CSMD3: variants seen among roughly 807,000 people sequenced by gnomAD.
The protein encoded by CSMD3 is CUB and Sushi multiple domains 3.
In CSMD3, 177 loss-of-function variants were observed where a neutral mutation model predicts 435.2. The ratio of observed to expected loss-of-function variants is 0.41; its 90% CI spans 0.36 to 0.46. The LOEUF is 0.46. Among genes scored for constraint, CSMD3 ranks in the 20% least tolerant of loss-of-function variants. The probability of loss-of-function intolerance (pLI) is 0.34; values close to 1 mark genes in which losing one functional copy is unlikely to be tolerated. For synonymous variants in CSMD3, 1,656 were observed against 1,520.5 expected, an observed-to-expected ratio of 1.09 and a Z score of -2.07; for missense variants, 4,265 against 4,504.6, an observed-to-expected ratio of 0.95 and a Z score of 1.52.
intron 5 of CSMD3, among the ~76,000 whole-genome samples, chr8:113,040,304 C>A (rs1357879170): frequency 6.6e-6 from 1 of 152,164 alleles, no homozygotes; most frequent in Non-Finnish European, 1.5e-5. Flanking sequence ...TATGACCTTG[C>A]AGGGTTATTG....
chr8:113,070,197 A>C (rs953394539), intron 5 of CSMD3, among the ~76,000 whole-genome samples: 1 of 152,046 alleles, frequency 6.6e-6, no homozygotes, highest in African/African-American at 2.4e-5. Context: ...GCTTTTTAAA[A>C]ATTTATCTCC....
chr8:112,809,165 A>C (rs1456800941), intron 12 of CSMD3, among the ~76,000 whole-genome samples: 1 of 152,192 alleles, frequency 6.6e-6, no homozygotes, highest in Non-Finnish European at 1.5e-5. Flanking sequence ...AATCATGTTC[A>C]TACTTCAAGG....
chr8:112,970,395 C>CAAAAAAAAAAAAAAA (rs11284034), intron 7 of CSMD3, among the ~76,000 whole-genome samples: 1 of 82,194 alleles, frequency 1.2e-5, no homozygotes, highest in Non-Finnish European at 2.4e-5. Flanking sequence ...GACTCCCTCT[C>CAAAAAAAAAAAAAAA]AAAAAAAAAA....
intron 49 of CSMD3, among the ~76,000 whole-genome samples, chr8:112,312,818 A>T (rs1822112009): frequency 6.6e-6 from 1 of 152,216 alleles, no homozygotes; most frequent in African/African-American, 2.4e-5. Flanking sequence ...GTAAAATTCA[A>T]GAGTATACTT....
At chr8:113,300,095 A>C (rs1020766761) in intron 2 of CSMD3, among the ~76,000 whole-genome samples, 11 of 150,704 alleles carry the variant, frequency 7.3e-5, no homozygotes, top group African/African-American at 2.4e-4. Context: ...CGGAGGCTGC[A>C]GTAAGCCAAT....
intron 5 of CSMD3, among the ~76,000 whole-genome samples, chr8:113,046,235 G>GA (rs1193494579): frequency 6.7e-6 from 1 of 148,854 alleles, no homozygotes; most frequent in African/African-American, 2.4e-5. Flanking sequence ...GTGTGTGAGG[G>GA]AAAGGCCCCT....
intron 7 of CSMD3, among the ~76,000 whole-genome samples, chr8:112,971,718 G>A (rs2084665726): frequency 6.6e-6 from 1 of 152,086 alleles, no homozygotes; most frequent in African/African-American, 2.4e-5. Flanking sequence ...GAGGTGTGGT[G>A]TTAATATGCA....
chr8:112,341,268 T>G (rs1825081180), intron 42 of CSMD3, among the ~76,000 whole-genome samples: 1 of 152,050 alleles, frequency 6.6e-6, no homozygotes, highest in Non-Finnish European at 1.5e-5. Flanking sequence ...GTTAGGATTT[T>G]CTAAGGTCTC....
At chr8:112,924,610 A>G (rs1404563224) in intron 9 of CSMD3, among the ~76,000 whole-genome samples, 8 of 151,346 alleles carry the variant, frequency 5.3e-5, no homozygotes, top group Non-Finnish European at 1.0e-4. Context: ...AATTGATAAT[A>G]ATAATAATTA....
intron 2 of CSMD3, among the ~76,000 whole-genome samples, chr8:113,298,227 C>T (rs910377315): frequency 1.3e-5 from 2 of 151,674 alleles, no homozygotes; most frequent in Non-Finnish European, 2.9e-5. Flanking sequence ...AAAAATTTTC[C>T]CCCATGATTT....
intron 22 of CSMD3, among the ~76,000 whole-genome samples, chr8:112,618,356 T>C (rs1172937012): frequency 1.3e-5 from 2 of 152,036 alleles, no homozygotes; most frequent in African/African-American, 4.8e-5. Flanking sequence ...TATTAAGCCA[T>C]AGTCAAGACA....
chr8:112,956,658 G>A (rs890404752), intron 7 of CSMD3, among the ~76,000 whole-genome samples: 74 of 152,126 alleles, frequency 4.9e-4, no homozygotes, highest in African/African-American at 1.8e-3. Context: ...AAAATCCTAC[G>A]GATCAAAGAG....
chr8:112,507,921 A>G (rs1470823069), intron 28 of CSMD3, among the ~76,000 whole-genome samples: 2 of 152,102 alleles, frequency 1.3e-5, no homozygotes, highest in African/African-American at 4.8e-5. Flanking sequence ...CTCAGACTTA[A>G]TATATTCACC....
At chr8:113,123,605 A>T (rs1049203181) in intron 4 of CSMD3, among the ~76,000 whole-genome samples, 2 of 152,032 alleles carry the variant, frequency 1.3e-5, no homozygotes, top group Admixed American at 6.6e-5. Context: ...CTCGTTTCTA[A>T]CTTTCACTTT....
intron 6 of CSMD3, among the ~76,000 whole-genome samples, chr8:112,998,804 T>C (rs1250836848): frequency 1.3e-5 from 2 of 151,906 alleles, no homozygotes; most frequent in Middle Eastern, 6.8e-3. Context: ...GGTGATAGGG[T>C]TCTCATGAGA....
At chr8:112,272,213 T>A (rs1488731604) in intron 59 of CSMD3, among the ~76,000 whole-genome samples, 1 of 152,210 alleles carries the variant, frequency 6.6e-6, no homozygotes, top group Non-Finnish European at 1.5e-5. Flanking sequence ...CTCAGGAATT[T>A]TATTATAGCA....
intron 17 of CSMD3, among the ~76,000 whole-genome samples, chr8:112,661,539 G>A (rs1333552854): frequency 1.3e-5 from 2 of 152,146 alleles, no homozygotes; most frequent in Non-Finnish European, 2.9e-5. Context: ...GCCACTCTTA[G>A]TAGCCTACTT....
chr8:112,275,818 T>C (rs1817987627), intron 59 of CSMD3, among the ~76,000 whole-genome samples: 8 of 151,930 alleles, frequency 5.3e-5, no homozygotes, highest in Admixed American at 3.9e-4. Flanking sequence ...ATTATGGGAG[T>C]TACAATTAAA....
chr8:113,365,605 T>C (rs2094306126), intron 1 of CSMD3, among the ~76,000 whole-genome samples: 1 of 152,088 alleles, frequency 6.6e-6, no homozygotes, highest in Non-Finnish European at 1.5e-5. Context: ...TAATTCAATA[T>C]TTATAAATCA....
Sources: gnomAD v4.1 joint callset for allele counts (sites outside exome capture counted in the v4.1 genomes callset) on GRCh38, gnomAD v4.1.1 for gene constraint, MANE v1.5 for transcripts, NCBI Gene and HGNC (gene_info 2026-07-23, HGNC 2026-07-21) for gene names.